PABPC4L: variants seen among roughly 807,000 people sequenced by gnomAD.
PABPC4L encodes poly(A) binding protein cytoplasmic 4 like.
For missense variants in PABPC4L, 452 were observed against 451.4 expected (o/e 1.00, Z -0.01); for synonymous variants, 169 against 164.1 (o/e 1.03, Z -0.23).
At chr4:134,188,581 A>T in the PABPC4L span, among the ~76,000 whole-genome samples, 1 of 152,100 alleles carries the variant, frequency 6.6e-6, no homozygotes. Context: ...TACAAATTCT[A>T]GGATGGAGAA....
At chr4:134,109,153 T>C in the PABPC4L span, among the ~76,000 whole-genome samples, 2 of 152,058 alleles carry the variant, frequency 1.3e-5, no homozygotes, top group African/African-American at 4.8e-5. Flanking sequence ...AAAAGCAAGA[T>C]GCAAAAAAGT....
At chr4:134,121,617 A>G in the PABPC4L span, among the ~76,000 whole-genome samples, 1 of 151,774 alleles carries the variant, frequency 6.6e-6, no homozygotes, top group East Asian at 1.9e-4. Flanking sequence ...TCTCCAAGGT[A>G]AGCCTTATTC....
the PABPC4L span, among the ~76,000 whole-genome samples, chr4:134,176,184 A>G: frequency 6.6e-6 from 1 of 152,258 alleles, no homozygotes; most frequent in South Asian, 2.1e-4. Context: ...ATGTCAGCAT[A>G]TTAGAAACTG....
At chr4:134,094,411 T>C in the PABPC4L span, among the ~76,000 whole-genome samples, 1 of 151,942 alleles carries the variant, frequency 6.6e-6, no homozygotes, top group Non-Finnish European at 1.5e-5. Context: ...AAAGACACTT[T>C]AGCTGTAGTT....
the PABPC4L span, among the ~76,000 whole-genome samples, chr4:134,087,296 T>C: frequency 6.6e-6 from 1 of 152,020 alleles, no homozygotes; most frequent in African/African-American, 2.4e-5. Context: ...TGGATGAAAT[T>C]GGAAATCATC....
At chr4:134,065,234 T>A in the PABPC4L span, among the ~76,000 whole-genome samples, 2 of 152,232 alleles carry the variant, frequency 1.3e-5, no homozygotes, top group South Asian at 4.1e-4. Flanking sequence ...CTTTCCCTTT[T>A]CTCTACAACC....
chr4:134,100,644 C>T, the PABPC4L span, among the ~76,000 whole-genome samples: 10 of 151,478 alleles, frequency 6.6e-5, no homozygotes, highest in South Asian at 4.1e-4. Flanking sequence ...AAACATACAC[C>T]GAATTGTATT....
At chr4:134,001,426 T>A in the PABPC4L span, among the ~76,000 whole-genome samples, 1 of 152,116 alleles carries the variant, frequency 6.6e-6, no homozygotes, top group African/African-American at 2.4e-5. Flanking sequence ...AGTCAGATGG[T>A]ATTCATCCCA....
chr4:134,153,810 G>GTTTTT, the PABPC4L span, among the ~76,000 whole-genome samples: 5 of 77,602 alleles, frequency 6.4e-5, no homozygotes, highest in Non-Finnish European at 6.9e-5. Context: ...CCTATGCCTA[G>GTTTTT]TTTTTTTTTT....
chr4:134,103,032 G>T, the PABPC4L span, among the ~76,000 whole-genome samples: 1 of 151,430 alleles, frequency 6.6e-6, no homozygotes, highest in African/African-American at 2.4e-5. Context: ...AATAACCCTT[G>T]AAAACTGCTC....
the PABPC4L span, among the ~76,000 whole-genome samples, chr4:134,039,293 TATTCTATTG>T: frequency 1.3e-5 from 2 of 152,184 alleles, no homozygotes; most frequent in African/African-American, 4.8e-5. Flanking sequence ...GAAGAATGTA[TATTCTATTG>T]ATTCAGGGTG....
At chr4:134,038,020 T>G in the PABPC4L span, among the ~76,000 whole-genome samples, 2 of 152,056 alleles carry the variant, frequency 1.3e-5, no homozygotes, top group East Asian at 3.9e-4. Flanking sequence ...TTATTGAGAG[T>G]TTTTAGTATG....
chr4:134,174,730 G>T, the PABPC4L span, among the ~76,000 whole-genome samples: 2 of 151,964 alleles, frequency 1.3e-5, no homozygotes, highest in African/African-American at 2.4e-5. Flanking sequence ...ATTCATTATT[G>T]TTCTCCTTTT....
At chr4:134,005,664 A>G in the PABPC4L span, among the ~76,000 whole-genome samples, 13 of 151,962 alleles carry the variant, frequency 8.6e-5, no homozygotes, top group African/African-American at 3.1e-4. Context: ...CTTTTCATGT[A>G]CTATAGACAC....
the PABPC4L span, among the ~76,000 whole-genome samples, chr4:134,117,056 T>C: frequency 1.6e-5 from 2 of 125,134 alleles, no homozygotes; most frequent in South Asian, 5.5e-4. Flanking sequence ...TTTCTATCCT[T>C]TCTTTCTTCT....
the PABPC4L span, among the ~76,000 whole-genome samples, chr4:134,038,223 C>T: frequency 6.6e-6 from 1 of 151,908 alleles, no homozygotes; most frequent in South Asian, 2.1e-4. Flanking sequence ...ATTTGGTGTG[C>T]CAGTATTTTG....
chr4:134,069,624 G>A, the PABPC4L span, among the ~76,000 whole-genome samples: 1 of 152,112 alleles, frequency 6.6e-6, no homozygotes, highest in African/African-American at 2.4e-5. Flanking sequence ...TAATACTTGT[G>A]ATAGTATTCT....
chr4:134,083,076 T>A, the PABPC4L span, among the ~76,000 whole-genome samples: 1 of 152,162 alleles, frequency 6.6e-6, no homozygotes, highest in South Asian at 2.1e-4. Flanking sequence ...TTTCCAACTC[T>A]TTCTAATTTC....
chr4:134,035,967 T>A, the PABPC4L span, among the ~76,000 whole-genome samples: 1 of 152,004 alleles, frequency 6.6e-6, no homozygotes, highest in Non-Finnish European at 1.5e-5. Flanking sequence ...TAGAACTCAC[T>A]CACTATCACA....
Sources: allele counts gnomAD v4.1 joint callset (sites outside exome capture counted in the v4.1 genomes callset), GRCh38; gene constraint gnomAD v4.1.1; transcripts MANE v1.5; gene names NCBI Gene and HGNC (gene_info 2026-07-23, HGNC 2026-07-21).